The following GSE1 variants were observed in gnomAD, a reference collection of about 807,000 sequenced individuals.
GSE1 encodes the protein Gse1 coiled-coil protein, also known as genetic suppressor element 1.
In GSE1, 32 loss-of-function variants were observed where a neutral mutation model predicts 112.6. That is an observed-to-expected ratio of 0.28 (90% CI 0.21 to 0.38). GSE1 has a LOEUF of 0.38. GSE1 is among the 10% of genes least tolerant of loss of function. The pLI, the probability that GSE1 is intolerant of heterozygous loss-of-function variation, is 1.00. For missense variants in GSE1, 2,348 were observed against 1,699.2 expected (o/e 1.38, Z -6.71); for synonymous variants, 1,115 against 735.6 (o/e 1.52, Z -8.35).
At position 85,311,843 on chromosome 16, in the gene GSE1, G is replaced by A. The variant is rs1438098654; in HGVS notation, c.2284-45620G>A. The stretch of plus-strand genomic sequence containing the variant: ...CACTGTCTGACCTGTGGCCCCAGCC[G>A]CGAGTCCTTCTCACCCCAGACCCCA... On this transcript the variant is annotated intron_variant, in intron 1 of 2. Coordinates refer to the GSE1 transcript ENST00000637419. This position sits in a 1 kb window ranked among gnomAD's most constrained non-coding sequence, Gnocchi z 4.2. 2.6e-5 allele frequency among the ~76,000 whole-genome samples: 4 copies of A among 152,158 alleles called. No individual in the cohort carries two copies. The highest frequency in any genetic ancestry group is 5.9e-5 in the Non-Finnish European group (4 of 68,020).
chr16:85,203,971 A>G (rs779054562), intron 1 of GSE1, among the ~76,000 whole-genome samples: 5 of 152,038 alleles, frequency 3.3e-5, no homozygotes, highest in Admixed American at 1.3e-4. Context: ...AGGTCTCACT[A>G]TGTTGCTGGT....
chr16:85,654,247 C>G (rs775931036), intron 3 of GSE1, 31 bp from the exon 4 acceptor site: 4 of 1,563,260 alleles, frequency 2.6e-6, no homozygotes, highest in Non-Finnish European at 3.5e-6. Context: ...ATACCAGGCT[C>G]CTGCCCTGAC....
intron 1 of GSE1, among the ~76,000 whole-genome samples, chr16:85,623,373 A>C (rs907800965): frequency 6.6e-6 from 1 of 152,008 alleles, no homozygotes; most frequent in Admixed American, 6.5e-5. Context: ...GCCACTGTTC[A>C]CTGACCCTCT....
At chr16:85,568,735 C>A (rs1439212115) in intron 1 of GSE1, among the ~76,000 whole-genome samples, 1 of 152,190 alleles carries the variant, frequency 6.6e-6, no homozygotes, top group East Asian at 1.9e-4. Context: ...TAACTCACAG[C>A]TCATTAGCAA....
chr16:85,615,875 C>T (rs374980955), intron 1 of GSE1, among the ~76,000 whole-genome samples: 4 of 152,212 alleles, frequency 2.6e-5, no homozygotes, highest in Non-Finnish European at 5.9e-5. Context: ...CTGATCCTAA[C>T]GTACACACTG....
intron 1 of GSE1, among the ~76,000 whole-genome samples, chr16:85,588,948 CAT>C (rs1567620182): frequency 2.0e-5 from 3 of 152,172 alleles, no homozygotes; most frequent in East Asian, 1.9e-4. Context: ...CACACTCACA[CAT>C]ATTCACACAC....
chr16:85,390,616 AT>A (rs2047816149), intron 2 of GSE1, among the ~76,000 whole-genome samples: 1 of 151,958 alleles, frequency 6.6e-6, no homozygotes, highest in East Asian at 1.9e-4. Context: ...CTCACCTTGG[AT>A]TTACTGTGCG....
intron 2 of GSE1, among the ~76,000 whole-genome samples, chr16:85,427,596 C>T (rs1045652847): frequency 6.6e-6 from 1 of 152,150 alleles, no homozygotes; most frequent in Non-Finnish European, 1.5e-5. Flanking sequence ...GAACCAAGAT[C>T]GCGCCACTGC....
At chr16:85,212,222 A>C (rs1049687896) in intron 1 of GSE1, among the ~76,000 whole-genome samples, 2 of 152,188 alleles carry the variant, frequency 1.3e-5, no homozygotes, top group Non-Finnish European at 2.9e-5. Flanking sequence ...CCTGGCCAAC[A>C]TGGTAAAACC....
chr16:85,670,000 T>C (rs1270654430), intron 14 of GSE1, among the ~76,000 whole-genome samples: 1 of 152,264 alleles, frequency 6.6e-6, no homozygotes, highest in Non-Finnish European at 1.5e-5. Context: ...GATCGCCTTA[T>C]ATTCACCCCA....
intron 1 of GSE1, among the ~76,000 whole-genome samples, chr16:85,221,064 G>T (rs1597830799): frequency 6.6e-6 from 1 of 152,012 alleles, no homozygotes; most frequent in South Asian, 2.1e-4. Flanking sequence ...CCCTGCGGCT[G>T]GGAAAACCAG....
At position 85,184,841 on chromosome 16, in the gene GSE1, A is replaced by G. The variant is rs76879938; in HGVS notation, c.2283+13034A>G. Reference sequence around the variant, plus strand: ...CTCTGTATGGCTTTAATCCTTTTATATTTAAGTGTACGCTCTTGAAGAAGG... The same window carrying G: ...CTCTGTATGGCTTTAATCCTTTTATGTTTAAGTGTACGCTCTTGAAGAAGG... On this transcript the variant is annotated intron_variant, in intron 1 of 2. Transcript: ENST00000637419. 1.1e-4 allele frequency among the ~76,000 whole-genome samples: 16 copies of G among 152,318 alleles called. No homozygotes were observed. The East Asian group carries it at 3.1e-3, about 29-fold the overall frequency.
chr16:85,517,887 G>A (rs1308630323), intron 2 of GSE1, among the ~76,000 whole-genome samples: 3 of 152,236 alleles, frequency 2.0e-5, no homozygotes, highest in Non-Finnish European at 2.9e-5. Flanking sequence ...AAGGCCTTGC[G>A]TGTGCCCCGT....
intron 2 of GSE1, among the ~76,000 whole-genome samples, chr16:85,458,141 G>A (rs1467098780): frequency 6.6e-6 from 1 of 152,160 alleles, no homozygotes. Flanking sequence ...GCACCAGCCG[G>A]CACTGACCTG....
At chr16:85,651,326 G>A (rs2151894648) in intron 3 of GSE1, among the ~76,000 whole-genome samples, 1 of 152,012 alleles carries the variant, frequency 6.6e-6, no homozygotes, top group African/African-American at 2.4e-5. Context: ...CTGTGCCAGG[G>A]TTGGCCGGGC....
chr16:85,362,399 C>T (rs1412079825), intron 2 of GSE1, among the ~76,000 whole-genome samples: 3 of 152,194 alleles, frequency 2.0e-5, no homozygotes, highest in Non-Finnish European at 4.4e-5. Flanking sequence ...GTGTTGTCTG[C>T]AGCCACCTTG....
At chr16:85,501,434 C>A (rs1487016934) in intron 2 of GSE1, among the ~76,000 whole-genome samples, 3 of 149,130 alleles carry the variant, frequency 2.0e-5, no homozygotes, top group Admixed American at 6.7e-5. Context: ...ACTGTGTTGC[C>A]CAGGCTGGAG....
rs146033853 is a variant in GSE1, at chr16:85,174,731, C to T, written c.2283+2924C>T. 9.1e-4 allele frequency among the ~76,000 whole-genome samples: 138 copies of T among 152,272 alleles called. No individual in the cohort carries two copies. In the East Asian group the frequency reaches 0.023, roughly 25 times the overall value. On this transcript the variant is annotated intron_variant, in intron 1 of 2. Transcript: ENST00000637419. ...TAGCCGAGCAGATTAAACTTAGGAC[C>T]CAGTGCCAGGGTGGGCATGGGCAGC...
chr16:85,669,433 A>G (rs1567768598), intron 14 of GSE1, among the ~76,000 whole-genome samples: 1 of 152,244 alleles, frequency 6.6e-6, no homozygotes, highest in Non-Finnish European at 1.5e-5. Flanking sequence ...TCAGTCAGGA[A>G]AAGTATTCTC....
Sources: allele counts gnomAD v4.1 joint callset (sites outside exome capture counted in the v4.1 genomes callset), GRCh38; gene constraint gnomAD v4.1.1; non-coding constraint Gnocchi (gnomAD v3.1); transcripts MANE v1.5; gene names NCBI Gene and HGNC (gene_info 2026-07-23, HGNC 2026-07-21).